TAF2: variants seen among roughly 807,000 people sequenced by gnomAD.
TAF2 encodes the protein transcription initiation factor TFIID subunit 2.
A neutral mutation model predicts 138.5 loss-of-function variants in TAF2; 61 were observed. That is an observed-to-expected ratio of 0.44 (90% CI 0.36 to 0.54). The LOEUF (loss-of-function observed/expected upper bound fraction) is 0.54. TAF2 is among the 20% of genes least tolerant of loss of function. The pLI, the probability that TAF2 is intolerant of heterozygous loss-of-function variation, is 0.00. For synonymous variants in TAF2, 475 were observed against 469.9 expected, an observed-to-expected ratio of 1.01 and a Z score of -0.14; for missense variants, 1,090 against 1,427.9, an observed-to-expected ratio of 0.76 and a Z score of 3.81.
intron 8 of TAF2, among the ~76,000 whole-genome samples, chr8:119,796,702 G>A (rs759108142): frequency 2.6e-5 from 4 of 151,758 alleles, no homozygotes; most frequent in Non-Finnish European, 5.9e-5. Flanking sequence ...TTGATTTCAC[G>A]GCCAAAAAGT....
chr8:119,746,602 T>C, intron 23 of TAF2, 103 bp downstream of exon 23: 2 of 1,207,740 alleles, frequency 1.7e-6, no homozygotes, highest in South Asian at 1.2e-5. Flanking sequence ...CACAAGAAAC[T>C]GTGTTAGTGG....
At chr8:119,744,203 A>C in intron 24 of TAF2, 85 bp downstream of exon 24, 2 of 1,229,018 alleles carry the variant, frequency 1.6e-6, no homozygotes, top group Non-Finnish European at 2.4e-6. Flanking sequence ...ATAGTTGTTC[A>C]TTTGAAAATA....
chr8:119,815,423 T>C (rs981261865), intron 3 of TAF2, among the ~76,000 whole-genome samples: 6 of 151,430 alleles, frequency 4.0e-5, no homozygotes, highest in African/African-American at 1.2e-4. Flanking sequence ...TACAGGCGCC[T>C]GCCACCACAC....
At chr8:119,801,058 T>C (rs1824220943) in intron 6 of TAF2, among the ~76,000 whole-genome samples, 1 of 152,210 alleles carries the variant, frequency 6.6e-6, no homozygotes, top group East Asian at 1.9e-4. Flanking sequence ...ACCAGGTTTC[T>C]AACTCTGTCT....
At chr8:119,739,506 A>C (rs1022169784) in intron 25 of TAF2, among the ~76,000 whole-genome samples, 2 of 152,034 alleles carry the variant, frequency 1.3e-5, no homozygotes, top group African/African-American at 4.8e-5. Flanking sequence ...AAAACTGGGG[A>C]AGCAAGGTTA....
chr8:119,810,498 G>C (rs2131231424), intron 3 of TAF2, among the ~76,000 whole-genome samples: 1 of 152,244 alleles, frequency 6.6e-6, no homozygotes, highest in South Asian at 2.1e-4. Flanking sequence ...CATCTCTGTA[G>C]TACAAATACC....
Position 119,791,324 on chromosome 8 carries a change from T to C in TAF2, c.1413A>G (p.Gln471=), listed in dbSNP as rs906608849. ...TTAAGTTCTTAACTTTAATACTTAC[T>C]TGTAGCATAAATTCCATACTGATCC... ...ENRISMEFML[Q]VFNKLLSLAS... is the part of the protein sequence containing the mutation. Residue 471 remains glutamine (Q), a splice_region_variant and synonymous_variant, in exon 11 of 26, where the codon CAA becomes CAG. Transcript: ENST00000378164. The C allele has an allele frequency of 6.2e-7, 1 of 1,613,246 alleles. No individual in the cohort carries two copies. The highest frequency in any genetic ancestry group is 1.3e-5 in the African/African-American group (1 of 74,886).
At chr8:119,818,105 T>C (rs992512038) in intron 3 of TAF2, among the ~76,000 whole-genome samples, 3 of 152,212 alleles carry the variant, frequency 2.0e-5, no homozygotes, top group Non-Finnish European at 4.4e-5. Context: ...ACCATAAATA[T>C]GTCTAAAAAT....
intron 2 of TAF2, among the ~76,000 whole-genome samples, chr8:119,826,501 C>A (rs1826108643): frequency 6.6e-6 from 1 of 152,094 alleles, no homozygotes; most frequent in African/African-American, 2.4e-5. Flanking sequence ...AAATACTTTA[C>A]CCTTGCTATG....
chr8:119,797,560 G>GA, intron 7 of TAF2, 102 bp downstream of exon 7: 1 of 1,269,242 alleles, frequency 7.9e-7, no homozygotes, highest in Non-Finnish European at 1.1e-6. Context: ...CCAAATTGCG[G>GA]AAAAAAGTTC....
rs1264042511 is a variant in TAF2 at position 119,793,886 on chromosome 8, AT to A, written c.1192-436del. ...ATAAATTGAACTTTTAAAAAGGGGG[AT>A]TTTTTTTTTTAAACAGAAAAAAAAA... On this transcript the variant is annotated intron_variant, in intron 9 of 25. Coordinates refer to ENST00000378164, the MANE Select transcript of TAF2 (RefSeq NM_003184.4). Among the ~76,000 whole-genome samples the A allele has an allele frequency of 8.9e-4, 86 of 96,786 alleles. No individual in the cohort carries two copies. The Middle Eastern group carries it at 0.043, about 49-fold the overall frequency. The allele number at this position is 96,786 out of a possible 152,430, so 63.5% of individuals were successfully genotyped here. A position where few individuals can be genotyped will look rare whatever the true frequency, so the allele number is the denominator to read the frequency against.
At chr8:119,789,029 C>A in intron 12 of TAF2, 125 bp from the exon 13 acceptor site, 1 of 688,236 alleles carries the variant, frequency 1.5e-6, no homozygotes, top group Non-Finnish European at 2.6e-6. Context: ...AGAGCATACG[C>A]TACAGTAAAC....
chr8:119,782,879 G>A (rs953615), intron 16 of TAF2, among the ~76,000 whole-genome samples: 46,632 of 151,930 alleles, frequency 0.31, 8,446 homozygotes, highest in African/African-American at 0.5. Flanking sequence ...ATGGTGGCAC[G>A]TGCCTGTAAT....
chr8:119,818,333 T>C (rs951773676), intron 3 of TAF2, among the ~76,000 whole-genome samples: 2 of 152,230 alleles, frequency 1.3e-5, no homozygotes, highest in African/African-American at 2.4e-5. Context: ...TAAGAACTGC[T>C]GCCTTAAGGC....
intron 9 of TAF2, 81 bp downstream of exon 9, chr8:119,795,451 A>C: frequency 8.3e-7 from 1 of 1,207,620 alleles, no homozygotes; most frequent in South Asian, 1.2e-5. Context: ...ATTTTCAAGC[A>C]GTATTTTAAA....
chr8:119,756,150 CT>C, intron 21 of TAF2, 35 bp from the exon 22 acceptor site: 2 of 1,475,668 alleles, frequency 1.4e-6, no homozygotes, highest in Non-Finnish European at 9.5e-7. Context: ...TTTTGCTGAC[CT>C]TTTACTGACA....
rs540666294 is a variant in TAF2 at position 119,768,477 on chromosome 8, C to A, written c.2365-5869G>T. ...CCTATTGAAAAACTCCTTATTTTTT[C>A]CTCTTGGTATTGATTTCTAATTTTA... On this transcript the variant is annotated intron_variant, in intron 18 of 25. Coordinates refer to ENST00000378164, the MANE Select transcript of TAF2 (RefSeq NM_003184.4). Among the ~76,000 whole-genome samples, 187 of 138,030 alleles carry A rather than the reference C, an allele frequency of 1.4e-3. 1 individual carries two copies. The highest frequency in any genetic ancestry group is 2.6e-3 in the Non-Finnish European group (155 of 60,582). The allele number at this position is 138,030 out of a possible 152,430, so 90.6% of individuals were successfully genotyped here. A position where few individuals can be genotyped will look rare whatever the true frequency, so the allele number is the denominator to read the frequency against.
At chr8:119,741,973 G>C (rs976494665) in intron 25 of TAF2, among the ~76,000 whole-genome samples, 18 of 152,092 alleles carry the variant, frequency 1.2e-4, no homozygotes, top group Admixed American at 6.5e-4. Flanking sequence ...AAACAGAATA[G>C]GTAACAAACA....
chr8:119,772,797 C>T (rs966991680), intron 18 of TAF2, among the ~76,000 whole-genome samples: 1 of 151,494 alleles, frequency 6.6e-6, no homozygotes, highest in Non-Finnish European at 1.5e-5. Context: ...ATTAGCTGGG[C>T]GTGGTGGCAG....
Sources: allele counts gnomAD v4.1 joint callset (sites outside exome capture counted in the v4.1 genomes callset), GRCh38; gene constraint gnomAD v4.1.1; transcripts MANE v1.5; gene names NCBI Gene and HGNC (gene_info 2026-07-23, HGNC 2026-07-21).